IGF2BP3: variants seen among roughly 807,000 people sequenced by gnomAD.
IGF2BP3 encodes the protein insulin-like growth factor 2 mRNA-binding protein 3.
IGF2BP3 carries 9 observed loss-of-function variants against 73.8 expected under a neutral mutation model. The observed-to-expected ratio is 0.12, with a 90% CI of 0.07 to 0.21. The LOEUF (loss-of-function observed/expected upper bound fraction) is 0.21. Ranked by LOEUF, IGF2BP3 falls within the 10% of genes least tolerant of loss-of-function variation. The pLI, the probability that IGF2BP3 is intolerant of heterozygous loss-of-function variation, is 1.00. For synonymous variants in IGF2BP3, 258 were observed against 256.7 expected (o/e 1.01, Z -0.05); for missense variants, 542 against 714.0 (o/e 0.76, Z 2.75).
chr7:23,443,228 C>T (rs368811514), intron 2 of IGF2BP3, among the ~76,000 whole-genome samples: 4 of 148,712 alleles, frequency 2.7e-5, no homozygotes, highest in Non-Finnish European at 3.0e-5. Flanking sequence ...CAGGTTCAAG[C>T]GATTCTCCTG....
intron 9 of IGF2BP3, among the ~76,000 whole-genome samples, chr7:23,342,732 G>A (rs1380051314): frequency 6.6e-6 from 1 of 152,156 alleles, no homozygotes; most frequent in African/African-American, 2.4e-5. Context: ...GCCAGAAAGG[G>A]TATTTTAATT....
intron 10 of IGF2BP3, among the ~76,000 whole-genome samples, chr7:23,325,323 T>A (rs541390125): frequency 2.0e-5 from 3 of 152,164 alleles, no homozygotes; most frequent in Non-Finnish European, 2.9e-5. Flanking sequence ...CCATTCACAA[T>A]TGCTTCAAAG....
intron 5 of IGF2BP3, among the ~76,000 whole-genome samples, chr7:23,354,064 G>A (rs1562694609): frequency 6.6e-6 from 1 of 152,188 alleles, no homozygotes; most frequent in Non-Finnish European, 1.5e-5. Flanking sequence ...TGCGATCTTG[G>A]CTCACTGCAA....
At chr7:23,399,537 C>G (rs1330573313) in intron 3 of IGF2BP3, among the ~76,000 whole-genome samples, 1 of 152,042 alleles carries the variant, frequency 6.6e-6, no homozygotes, top group Non-Finnish European at 1.5e-5. Context: ...TCATGACAAC[C>G]TTGACTTTAA....
chr7:23,450,894 A>AT (rs913190640), intron 2 of IGF2BP3, among the ~76,000 whole-genome samples: 8 of 151,718 alleles, frequency 5.3e-5, no homozygotes, highest in East Asian at 3.9e-4. Context: ...TTAAAAAGGA[A>AT]TTTTTTTTTA....
At chr7:23,361,189 T>C (rs1048694491) in intron 5 of IGF2BP3, among the ~76,000 whole-genome samples, 1 of 152,158 alleles carries the variant, frequency 6.6e-6, no homozygotes, top group African/African-American at 2.4e-5. Context: ...AAAATAGCCA[T>C]AATATATGTG....
chr7:23,437,516 AT>A (rs1787834015), intron 2 of IGF2BP3, among the ~76,000 whole-genome samples: 2 of 152,058 alleles, frequency 1.3e-5, no homozygotes, highest in African/African-American at 4.8e-5. Flanking sequence ...AAATAAATAA[AT>A]AAATAAAACA....
At chr7:23,356,822 C>T (rs1268490898) in intron 5 of IGF2BP3, among the ~76,000 whole-genome samples, 1 of 152,088 alleles carries the variant, frequency 6.6e-6, no homozygotes, top group Non-Finnish European at 1.5e-5. Context: ...TGTAAGGCTT[C>T]ATGACTAAAT....
At chr7:23,329,982 T>G (rs957311976) in intron 10 of IGF2BP3, among the ~76,000 whole-genome samples, 2 of 152,160 alleles carry the variant, frequency 1.3e-5, no homozygotes, top group Non-Finnish European at 2.9e-5. Flanking sequence ...GGTATAGATA[T>G]GCTTTAAAAT....
chr7:23,407,643 T>C (rs983756081), intron 3 of IGF2BP3, among the ~76,000 whole-genome samples: 3 of 151,414 alleles, frequency 2.0e-5, no homozygotes, highest in African/African-American at 7.3e-5. Context: ...TGAGAGAAAT[T>C]ATTCAAGTGG....
chr7:23,326,559 A>G (rs1410326338), intron 10 of IGF2BP3, among the ~76,000 whole-genome samples: 2 of 151,988 alleles, frequency 1.3e-5, no homozygotes, highest in Non-Finnish European at 2.9e-5. Flanking sequence ...CAGCCATCCA[A>G]TCACTGGGTA....
At chr7:23,316,193 A>G (rs920544764) in intron 12 of IGF2BP3, among the ~76,000 whole-genome samples, 2 of 152,174 alleles carry the variant, frequency 1.3e-5, no homozygotes, top group African/African-American at 4.8e-5. Context: ...AACCACCCAC[A>G]TCTCAAAGCA....
At chr7:23,345,863 G>C in intron 8 of IGF2BP3, 77 bp downstream of exon 8, 5 of 1,503,848 alleles carry the variant, frequency 3.3e-6, no homozygotes, top group Non-Finnish European at 4.5e-6. Flanking sequence ...CTGTAAAGTG[G>C]GAAGCTAAGC....
intron 9 of IGF2BP3, 85 bp from the exon 10 acceptor site, chr7:23,342,274 A>G (rs1784732665): frequency 7.1e-7 from 1 of 1,413,240 alleles, no homozygotes. Flanking sequence ...ATTCAAACTG[A>G]TCTCTTGTCT....
At chr7:23,396,997 C>T (rs2128523706) in intron 3 of IGF2BP3, among the ~76,000 whole-genome samples, 1 of 152,280 alleles carries the variant, frequency 6.6e-6, no homozygotes. Flanking sequence ...TATCCAAAGT[C>T]TCATAGCCAG....
rs558381132 is a variant in IGF2BP3, at chr7:23,332,001, A to G, written c.1203+10063T>C. 5.9e-5 allele frequency among the ~76,000 whole-genome samples: 9 copies of G among 152,152 alleles called. No individual in the cohort carries two copies. The South Asian group carries it at 1.7e-3, about 28-fold the overall frequency. ...CGGCAGGAGGGAGAGAGAGAGAGTA[A>G]GGGATGGGGCAAGTGTCACACCTTT... On this transcript the variant is annotated intron_variant, in intron 10 of 14. Transcript: ENST00000258729.
intron 3 of IGF2BP3, 70 bp downstream of exon 3, chr7:23,418,706 A>G: frequency 2.0e-6 from 2 of 999,330 alleles, no homozygotes; most frequent in South Asian, 3.0e-5. Context: ...AAAGGAGAAA[A>G]AGCTTTGAAA....
intron 3 of IGF2BP3, among the ~76,000 whole-genome samples, chr7:23,371,407 A>G (rs1785538734): frequency 6.6e-6 from 1 of 152,216 alleles, no homozygotes; most frequent in Non-Finnish European, 1.5e-5. Context: ...CTGTTCTTTT[A>G]CATCTATTTG....
At chr7:23,457,735 T>C (rs779990239) in intron 2 of IGF2BP3, among the ~76,000 whole-genome samples, 2 of 152,186 alleles carry the variant, frequency 1.3e-5, no homozygotes, top group Non-Finnish European at 2.9e-5. Flanking sequence ...TTCTAGAAAA[T>C]ATATTCAGCA....
Sources: allele counts gnomAD v4.1 joint callset (sites outside exome capture counted in the v4.1 genomes callset), GRCh38; gene constraint gnomAD v4.1.1; transcripts MANE v1.5; gene names NCBI Gene and HGNC (gene_info 2026-07-23, HGNC 2026-07-21).